Variants in GLRA3 observed in about 807,000 individuals in gnomAD.
GLRA3 encodes the protein glycine receptor alpha 3.
GLRA3 carries 44 observed loss-of-function variants against 60.4 expected under a neutral mutation model. That is an observed-to-expected ratio of 0.73 (90% CI 0.57 to 0.94). The LOEUF is 0.94. Ranked by LOEUF, GLRA3 falls within the 40% of genes least tolerant of loss-of-function variation. GLRA3 has a pLI of 0.00. For missense variants in GLRA3, 508 were observed against 564.6 expected, an observed-to-expected ratio of 0.90 and a Z score of 1.02; for synonymous variants, 223 against 192.9, an observed-to-expected ratio of 1.16 and a Z score of -1.29.
intron 4 of GLRA3, among the ~76,000 whole-genome samples, chr4:174,715,790 C>T (rs946634258): frequency 4.0e-4 from 61 of 152,088 alleles, no homozygotes; most frequent in African/African-American, 1.4e-3. Flanking sequence ...TAGGCTGGTG[C>T]TAAAGTAATC....
intron 9 of GLRA3, among the ~76,000 whole-genome samples, chr4:174,644,997 G>T (rs1408515195): frequency 6.6e-6 from 1 of 152,022 alleles, no homozygotes; most frequent in African/African-American, 2.4e-5. Context: ...ATGAGTAATG[G>T]TTTATTTGGC....
chr4:174,762,438 A>G (rs1737977241), intron 3 of GLRA3, among the ~76,000 whole-genome samples: 1 of 152,138 alleles, frequency 6.6e-6, no homozygotes, highest in Non-Finnish European at 1.5e-5. Flanking sequence ...ATATCATGGA[A>G]GCTGCTTATC....
At chr4:174,807,853 C>G (rs960294495) in intron 1 of GLRA3, among the ~76,000 whole-genome samples, 2 of 152,092 alleles carry the variant, frequency 1.3e-5, no homozygotes, top group Non-Finnish European at 2.9e-5. Context: ...AATACTCTAC[C>G]TGCATAAATG....
Position 174,638,084 on chromosome 4 carries a change from A to C in GLRA3, c.*5702T>G, listed in dbSNP as rs373407058. 23 of 152,150 alleles carry C rather than the reference A, an allele frequency of 1.5e-4. No individual in the cohort carries two copies. Among genetic ancestry groups the C allele is most frequent in the African/African-American group, 5.6e-4 (23 of 41,440 alleles). The allele number at this position is 152,150 out of a possible 1,614,324, so 9.4% of individuals were successfully genotyped here. ...GGGGAATAAACTTACTTGGTATTTT[A>C]GGAAGTAAAAGTCATTTCTTGATGA... On this transcript the variant is annotated 3_prime_UTR_variant, in exon 10 of 10. Coordinates refer to ENST00000274093, the MANE Select transcript of GLRA3 (RefSeq NM_006529.4).
At chr4:174,667,039 G>A (rs56395043) in intron 7 of GLRA3, among the ~76,000 whole-genome samples, 3 of 152,008 alleles carry the variant, frequency 2.0e-5, no homozygotes, top group Non-Finnish European at 2.9e-5. Context: ...ACTTTGAGTC[G>A]AATGCTGACC....
At position 174,753,971 on chromosome 4, in the gene GLRA3, T is replaced by TC. The variant is rs199807830; in HGVS notation, c.267+12991_267+12992insG. On this transcript the variant is annotated intron_variant, in intron 3 of 9. Transcript: ENST00000274093. ...TCTCTCTCAGGATACAGATTTTTTT[T>TC]TTCCGTTGTCATTAGCACCAGTTTC... Among the ~76,000 whole-genome samples the TC allele has an allele frequency of 5.4e-3, 820 of 152,200 alleles. 7 individuals carry two copies. The highest frequency in any genetic ancestry group is 0.018 in the African/African-American group (753 of 41,540).
At chr4:174,826,957 A>T (rs2111413257) in intron 1 of GLRA3, among the ~76,000 whole-genome samples, 1 of 151,756 alleles carries the variant, frequency 6.6e-6, no homozygotes, top group South Asian at 2.1e-4. Flanking sequence ...CATATAATTA[A>T]AGTTCTTCAT....
chr4:174,645,154 C>T (rs1732765489), intron 9 of GLRA3, among the ~76,000 whole-genome samples: 1 of 152,004 alleles, frequency 6.6e-6, no homozygotes, highest in Non-Finnish European at 1.5e-5. Context: ...TGGCTCATGC[C>T]TGTAACCCCA....
At chr4:174,716,750 A>AT (rs1377016376) in intron 4 of GLRA3, among the ~76,000 whole-genome samples, 2 of 152,170 alleles carry the variant, frequency 1.3e-5, no homozygotes, top group Non-Finnish European at 2.9e-5. Context: ...GTTAACACAC[A>AT]TAAGTGCTTA....
At chr4:174,725,812 G>A (rs1736300407) in intron 4 of GLRA3, among the ~76,000 whole-genome samples, 1 of 152,270 alleles carries the variant, frequency 6.6e-6, no homozygotes, top group South Asian at 2.1e-4. Flanking sequence ...GTTGCTATCA[G>A]TTGATTGTCT....
intron 3 of GLRA3, among the ~76,000 whole-genome samples, chr4:174,753,856 C>T (rs963272905): frequency 6.6e-6 from 1 of 152,062 alleles, no homozygotes; most frequent in Non-Finnish European, 1.5e-5. Context: ...CTTAAAAATG[C>T]AATTTTTAAA....
intron 3 of GLRA3, among the ~76,000 whole-genome samples, chr4:174,744,034 C>T (rs879705546): frequency 2.0e-5 from 3 of 152,156 alleles, no homozygotes; most frequent in Non-Finnish European, 4.4e-5. Context: ...AGTAGCATGG[C>T]CTTTGTGCTT....
chr4:174,652,686 T>A (rs1190087033), intron 9 of GLRA3, among the ~76,000 whole-genome samples: 1 of 152,110 alleles, frequency 6.6e-6, no homozygotes, highest in Admixed American at 6.6e-5. Context: ...TCATATAAAA[T>A]GCAAGTTATA....
intron 5 of GLRA3, among the ~76,000 whole-genome samples, chr4:174,706,919 C>T (rs1429218986): frequency 6.6e-6 from 1 of 152,092 alleles, no homozygotes; most frequent in African/African-American, 2.4e-5. Context: ...ACAGGTAGAG[C>T]AGGAAGCTGT....
intron 5 of GLRA3, among the ~76,000 whole-genome samples, chr4:174,708,993 C>A (rs2111075376): frequency 6.6e-6 from 1 of 152,030 alleles, no homozygotes; most frequent in Non-Finnish European, 1.5e-5. Context: ...GTACCTCTTT[C>A]TCTTCTATAT....
chr4:174,702,018 CAG>C (rs1338871227), intron 5 of GLRA3, among the ~76,000 whole-genome samples: 1 of 152,128 alleles, frequency 6.6e-6, no homozygotes, highest in Non-Finnish European at 1.5e-5. Flanking sequence ...AAAGCGGTGG[CAG>C]AGTTTCAGAG....
At chr4:174,793,830 C>T (rs905384366) in intron 1 of GLRA3, among the ~76,000 whole-genome samples, 2 of 152,040 alleles carry the variant, frequency 1.3e-5, no homozygotes, top group Non-Finnish European at 2.9e-5. Flanking sequence ...TATCTATCAT[C>T]TATCTTTTCA....
intron 3 of GLRA3, among the ~76,000 whole-genome samples, chr4:174,758,652 A>G (rs1737819780): frequency 6.6e-6 from 1 of 152,182 alleles, no homozygotes; most frequent in Non-Finnish European, 1.5e-5. Context: ...ATGCATCAAT[A>G]TTTGTTCACA....
chr4:174,752,954 T>C (rs1047409213), intron 3 of GLRA3, among the ~76,000 whole-genome samples: 7 of 152,182 alleles, frequency 4.6e-5, no homozygotes, highest in African/African-American at 1.4e-4. Context: ...AGTAAATCCA[T>C]GTTTCTTCAT....
Sources: allele counts gnomAD v4.1 joint callset (sites outside exome capture counted in the v4.1 genomes callset), GRCh38; gene constraint gnomAD v4.1.1; transcripts MANE v1.5; gene names NCBI Gene and HGNC (gene_info 2026-07-23, HGNC 2026-07-21).